The following ROR2 variants were observed in gnomAD, a reference collection of about 807,000 sequenced individuals.
ROR2 encodes the protein tyrosine-protein kinase transmembrane receptor ROR2.
ROR2 carries 33 observed loss-of-function variants against 74.9 expected under a neutral mutation model. That is an observed-to-expected ratio of 0.44 (90% CI 0.33 to 0.59). ROR2 has a LOEUF of 0.59. Among genes scored for constraint, ROR2 ranks in the 20% least tolerant of loss-of-function variants. ROR2 has a pLI of 0.02. For missense variants in ROR2, 1,216 were observed against 1,313.8 expected (o/e 0.93, Z 1.15); for synonymous variants, 586 against 558.7 (o/e 1.05, Z -0.69).
intron 1 of ROR2, among the ~76,000 whole-genome samples, chr9:91,941,559 A>T (rs1008492617): frequency 1.3e-5 from 2 of 152,206 alleles, no homozygotes; most frequent in Non-Finnish European, 2.9e-5. Context: ...CAAGTCTGAC[A>T]ACACGTTTAA....
At chr9:91,834,832 T>A (rs1828565493) in intron 1 of ROR2, among the ~76,000 whole-genome samples, 1 of 152,238 alleles carries the variant, frequency 6.6e-6, no homozygotes, top group Admixed American at 6.5e-5. Context: ...AGTGAGCTTT[T>A]GACTCCTGCA....
At chr9:91,896,861 T>C (rs902088681) in intron 1 of ROR2, among the ~76,000 whole-genome samples, 2 of 152,244 alleles carry the variant, frequency 1.3e-5, no homozygotes, top group African/African-American at 2.4e-5. Context: ...CTGGGCTCTT[T>C]AATCATTCCT....
At chr9:91,917,700 T>C (rs1454015514) in intron 1 of ROR2, among the ~76,000 whole-genome samples, 1 of 152,018 alleles carries the variant, frequency 6.6e-6, no homozygotes, top group African/African-American at 2.4e-5. Context: ...TAGAGCTGCA[T>C]AGGGGAGAGA....
intron 1 of ROR2, among the ~76,000 whole-genome samples, chr9:91,781,628 A>G (rs981837592): frequency 6.0e-4 from 92 of 152,334 alleles, no homozygotes; most frequent in African/African-American, 2.0e-3. Context: ...ACCAAACAGC[A>G]TTCCAGGTGG....
intron 4 of ROR2, among the ~76,000 whole-genome samples, chr9:91,741,414 G>T (rs1825243079): frequency 6.6e-6 from 1 of 151,676 alleles, no homozygotes; most frequent in Admixed American, 6.6e-5. Context: ...AGAGGCAGGG[G>T]CCAGCAGACT....
chr9:91,733,330 G>A lies in ROR2; in HGVS notation c.729C>T (p.Ser243=), dbSNP rs200645482. Reference sequence around the variant, plus strand: ...ACAGCTCACGCGGCTTGGGTGTCCGGGAGCGCGCGTCGCACAGAGGAAACA... The same window carrying A: ...ACAGCTCACGCGGCTTGGGTGTCCGAGAGCGCGCGTCGCACAGAGGAAACA... ...HFVFPLCDAR[S]RTPKPRELCR... Residue 243 remains serine, a synonymous_variant, in exon 6 of 9, where the codon TCC becomes TCT. Transcript: ENST00000375708. This position sits in a 1 kb window ranked among gnomAD's most constrained non-coding sequence, Gnocchi z 5.7. The A allele has an allele frequency of 6.2e-7, 1 of 1,612,348 alleles. No individual in the cohort carries two copies. The highest frequency in any genetic ancestry group is 1.7e-5 in the Admixed American group (1 of 59,948).
intron 1 of ROR2, among the ~76,000 whole-genome samples, chr9:91,921,982 A>C (rs1394627959): frequency 6.6e-6 from 1 of 151,984 alleles, no homozygotes; most frequent in Non-Finnish European, 1.5e-5. Context: ...ACTGGCCAAA[A>C]AGAGCATGAA....
At chr9:91,729,772 G>A (rs944493416) in intron 7 of ROR2, among the ~76,000 whole-genome samples, 4 of 152,156 alleles carry the variant, frequency 2.6e-5, no homozygotes, top group African/African-American at 7.2e-5. Flanking sequence ...TCAGCCACGT[G>A]AGCTTCCATA....
intron 1 of ROR2, among the ~76,000 whole-genome samples, chr9:91,942,465 C>A (rs1224201730): frequency 6.6e-6 from 1 of 152,122 alleles, no homozygotes; most frequent in Admixed American, 6.5e-5. Flanking sequence ...ATTCATGACG[C>A]CTGCCCAAAT....
intron 1 of ROR2, among the ~76,000 whole-genome samples, chr9:91,939,723 G>A (rs559168798): frequency 2.6e-5 from 4 of 152,290 alleles, no homozygotes; most frequent in South Asian, 4.2e-4. Context: ...AAGAGGGGCA[G>A]TAAACACACG....
intron 1 of ROR2, among the ~76,000 whole-genome samples, chr9:91,933,032 C>T (rs114879302): frequency 0.023 from 3,519 of 152,252 alleles, 134 homozygotes; most frequent in African/African-American, 0.08. Context: ...AGCACAGTGG[C>T]CTATGATTAC....
chr9:91,928,282 T>A (rs772612973), intron 1 of ROR2, among the ~76,000 whole-genome samples: 11 of 151,998 alleles, frequency 7.2e-5, no homozygotes, highest in Non-Finnish European at 1.5e-4. Context: ...TATTTCCCAA[T>A]CCCCTCACTG....
intron 1 of ROR2, among the ~76,000 whole-genome samples, chr9:91,921,826 A>G (rs928694177): frequency 2.7e-5 from 4 of 147,802 alleles, no homozygotes; most frequent in African/African-American, 1.0e-4. Context: ...GCGCCACTGC[A>G]CTCCAGCCTG....
intron 1 of ROR2, among the ~76,000 whole-genome samples, chr9:91,896,603 C>T (rs1830543979): frequency 6.6e-6 from 1 of 152,176 alleles, no homozygotes. Flanking sequence ...AGAGAAATTG[C>T]CTCACTGGAC....
intron 1 of ROR2, among the ~76,000 whole-genome samples, chr9:91,865,841 A>G (rs1480695145): frequency 1.3e-5 from 2 of 152,224 alleles, no homozygotes; most frequent in African/African-American, 4.8e-5. Flanking sequence ...GATGTTCAAC[A>G]GGGCCCCACC....
At chr9:91,808,427 C>G (rs948721808) in intron 1 of ROR2, among the ~76,000 whole-genome samples, 3 of 152,058 alleles carry the variant, frequency 2.0e-5, no homozygotes, top group Admixed American at 2.0e-4. Context: ...GTCAGGAGAT[C>G]AAGACCATCC....
chr9:91,939,320 C>A (rs1831785722), intron 1 of ROR2, among the ~76,000 whole-genome samples: 1 of 152,208 alleles, frequency 6.6e-6, no homozygotes, highest in African/African-American at 2.4e-5. Flanking sequence ...GCCAGTCCTG[C>A]ACCATTAATG....
intron 1 of ROR2, among the ~76,000 whole-genome samples, chr9:91,836,504 C>T (rs1828614872): frequency 6.7e-6 from 1 of 149,058 alleles, no homozygotes; most frequent in African/African-American, 2.5e-5. Flanking sequence ...CGCACCACTG[C>T]ACTCCAGCCT....
intron 1 of ROR2, among the ~76,000 whole-genome samples, chr9:91,855,876 G>A (rs931958392): frequency 1.2e-4 from 18 of 151,970 alleles, no homozygotes; most frequent in African/African-American, 3.9e-4. Flanking sequence ...CCTGCCGGCC[G>A]GGTGAGGCAC....
Sources: allele counts gnomAD v4.1 joint callset (sites outside exome capture counted in the v4.1 genomes callset), GRCh38; gene constraint gnomAD v4.1.1; non-coding constraint Gnocchi (gnomAD v3.1); transcripts MANE v1.5; gene names NCBI Gene and HGNC (gene_info 2026-07-23, HGNC 2026-07-21).